Variants in RERE observed in about 807,000 individuals in gnomAD.
RERE encodes the protein arginine-glutamic acid dipeptide repeats protein.
RERE carries 40 observed loss-of-function variants against 146.1 expected under a neutral mutation model. The ratio of observed to expected loss-of-function variants is 0.27; its 90% CI spans 0.21 to 0.36. RERE has a LOEUF of 0.36. Ranked by LOEUF, RERE falls within the 10% of genes least tolerant of loss-of-function variation. The pLI is 1.00. For missense variants in RERE, 1,933 were observed against 2,138.7 expected, an observed-to-expected ratio of 0.90 and a Z score of 1.90; for synonymous variants, 1,003 against 866.0, an observed-to-expected ratio of 1.16 and a Z score of -2.78.
intron 4 of RERE, among the ~76,000 whole-genome samples, chr1:8,595,254 G>T (rs1184696322): frequency 6.6e-6 from 1 of 150,432 alleles, no homozygotes; most frequent in Non-Finnish European, 1.5e-5. Context: ...GCCTATGTGG[G>T]TATCAACCAT....
intron 4 of RERE, among the ~76,000 whole-genome samples, chr1:8,572,937 C>G (rs548277428): frequency 1.1e-4 from 16 of 152,150 alleles, no homozygotes; most frequent in Non-Finnish European, 2.1e-4. Context: ...TTCAGGATAG[C>G]AGGAAAAACT....
intron 6 of RERE, among the ~76,000 whole-genome samples, chr1:8,550,666 T>A (rs2124411790): frequency 6.6e-6 from 1 of 152,190 alleles, no homozygotes; most frequent in African/African-American, 2.4e-5. Context: ...CCTGCCTCAG[T>A]CTCCCTAGTA....
At chr1:8,629,885 AC>A (rs1450845988) in intron 2 of RERE, among the ~76,000 whole-genome samples, 1 of 152,158 alleles carries the variant, frequency 6.6e-6, no homozygotes, top group African/African-American at 2.4e-5. Flanking sequence ...CCAATAGAAA[AC>A]CCCATTGTAA....
chr1:8,662,642 G>C (rs908277651), intron 1 of RERE, among the ~76,000 whole-genome samples: 5 of 152,122 alleles, frequency 3.3e-5, no homozygotes, highest in Admixed American at 3.3e-4. Context: ...GGCTACAATG[G>C]GCTGTGATCA....
chr1:8,738,140 C>G (rs1382096881), intron 1 of RERE, among the ~76,000 whole-genome samples: 1 of 152,094 alleles, frequency 6.6e-6, no homozygotes, highest in Non-Finnish European at 1.5e-5. Flanking sequence ...TTCAGAAGAC[C>G]TTCCCTGCCC....
At chr1:8,385,245 T>C (rs1399840009) in intron 12 of RERE, among the ~76,000 whole-genome samples, 2 of 152,212 alleles carry the variant, frequency 1.3e-5, no homozygotes, top group Non-Finnish European at 2.9e-5. Flanking sequence ...GAATTAATAA[T>C]ATCAACACCC....
chr1:8,648,110 G>A (rs1019565711), intron 2 of RERE, among the ~76,000 whole-genome samples: 2 of 152,016 alleles, frequency 1.3e-5, no homozygotes, highest in Non-Finnish European at 2.9e-5. Flanking sequence ...GTACCCATAG[G>A]GCAATCTCTC....
chr1:8,753,500 G>A (rs1557521916), intron 1 of RERE: 1 of 151,962 alleles, frequency 6.6e-6, no homozygotes, highest in Non-Finnish European at 1.5e-5. Flanking sequence ...CTATTTGACG[G>A]ATTTTAAAAG....
chr1:8,471,483 T>C (rs1644684693), intron 10 of RERE, among the ~76,000 whole-genome samples: 1 of 150,300 alleles, frequency 6.7e-6, no homozygotes. Flanking sequence ...TGTATTTTGG[T>C]AGAAATAGGG....
At chr1:8,787,770 G>A (rs2124569099) in intron 1 of RERE, among the ~76,000 whole-genome samples, 1 of 149,038 alleles carries the variant, frequency 6.7e-6, no homozygotes. Context: ...AGCAGAGGTT[G>A]CAGTGAGCCG....
At chr1:8,704,286 C>A (rs1557492459) in intron 1 of RERE, among the ~76,000 whole-genome samples, 1 of 152,284 alleles carries the variant, frequency 6.6e-6, no homozygotes, top group East Asian at 1.9e-4. Context: ...TAGCCAAGAT[C>A]ATTTTGTCCT....
intron 1 of RERE, among the ~76,000 whole-genome samples, chr1:8,777,683 C>T (rs889761434): frequency 2.0e-5 from 3 of 151,022 alleles, no homozygotes; most frequent in Admixed American, 6.7e-5. Flanking sequence ...TACAGGTGCC[C>T]GCCACCACAC....
At chr1:8,570,232 G>T (rs1646203413) in intron 4 of RERE, among the ~76,000 whole-genome samples, 1 of 152,054 alleles carries the variant, frequency 6.6e-6, no homozygotes, top group Admixed American at 6.5e-5. Flanking sequence ...AGCTACTCAG[G>T]AGGCTGAGGC....
At chr1:8,539,424 G>A (rs561220269) in intron 7 of RERE, among the ~76,000 whole-genome samples, 10 of 149,740 alleles carry the variant, frequency 6.7e-5, no homozygotes, top group Non-Finnish European at 1.0e-4. Flanking sequence ...TTTTTTTCTC[G>A]AGATGGAGTC....
In RERE at chr1:8,377,857, G is replaced by A. The variant is rs1039028828; in HGVS notation, c.1285-11883C>T. Among the ~76,000 whole-genome samples the A allele has an allele frequency of 5.9e-5, 9 of 152,270 alleles. No homozygotes were observed. In the East Asian group the frequency reaches 9.7e-4, roughly 16 times the overall value. ...CATCAGTTATATCTGTGCATTTCCCGAGGTGATAATTGAATGACAGGGGCT... is the reference window on the plus strand; with the variant it reads ...CATCAGTTATATCTGTGCATTTCCCAAGGTGATAATTGAATGACAGGGGCT... On this transcript the variant is annotated intron_variant, in intron 12 of 22. Coordinates refer to ENST00000400908, the MANE Select transcript of RERE (RefSeq NM_001042681.2).
chr1:8,485,848 G>GA (rs1452245366), intron 10 of RERE, among the ~76,000 whole-genome samples: 1 of 149,178 alleles, frequency 6.7e-6, no homozygotes, highest in African/African-American at 2.5e-5. Flanking sequence ...TGGCAGGCTG[G>GA]AGTGCAGTGG....
intron 1 of RERE, among the ~76,000 whole-genome samples, chr1:8,726,411 C>T (rs145987839): frequency 6.6e-6 from 1 of 152,218 alleles, no homozygotes; most frequent in East Asian, 1.9e-4. Flanking sequence ...CCTCGGCCTC[C>T]CAAAGTGCTG....
At chr1:8,360,042 C>T (rs2401088) in intron 18 of RERE, 56 bp from the exon 19 acceptor site, 3 of 1,571,184 alleles carry the variant, frequency 1.9e-6, no homozygotes, top group African/African-American at 2.7e-5. Context: ...CCCCGGCCCT[C>T]CCTCCCACCA....
intron 1 of RERE, among the ~76,000 whole-genome samples, chr1:8,745,811 G>A (rs549597639): frequency 1.1e-3 from 167 of 152,232 alleles, no homozygotes; most frequent in African/African-American, 3.7e-3. Context: ...GGCTCACACC[G>A]GTAATACTAG....
Sources: allele counts gnomAD v4.1 joint callset (sites outside exome capture counted in the v4.1 genomes callset), GRCh38; gene constraint gnomAD v4.1.1; transcripts MANE v1.5; gene names NCBI Gene and HGNC (gene_info 2026-07-23, HGNC 2026-07-21).